CSMD1: variants seen among roughly 807,000 people sequenced by gnomAD.
CSMD1 encodes the protein CUB and sushi domain-containing protein 1.
In CSMD1, 213 loss-of-function variants were observed where a neutral mutation model predicts 417.5. That is an observed-to-expected ratio of 0.51 (90% CI 0.46 to 0.57). The LOEUF is 0.57. Among genes scored for constraint, CSMD1 ranks in the 20% least tolerant of loss-of-function variants. The pLI, the probability that CSMD1 is intolerant of heterozygous loss-of-function variation, is 0.00. For missense variants in CSMD1, 6,923 were observed against 4,529.7 expected, an observed-to-expected ratio of 1.53 and a Z score of -15.17; for synonymous variants, 2,862 against 1,736.8, an observed-to-expected ratio of 1.65 and a Z score of -16.11.
chr8:4,687,721 C>T (rs962242857), intron 1 of CSMD1, among the ~76,000 whole-genome samples: 5 of 152,176 alleles, frequency 3.3e-5, no homozygotes, highest in Admixed American at 1.3e-4. Context: ...GTCACCTCCC[C>T]TTTCCACACT....
At chr8:4,486,883 A>G (rs1801443282) in intron 2 of CSMD1, among the ~76,000 whole-genome samples, 2 of 152,144 alleles carry the variant, frequency 1.3e-5, no homozygotes, top group African/African-American at 2.4e-5. Flanking sequence ...CACCTAAGAT[A>G]AAAAGCAAGA....
At chr8:3,896,467 C>T (rs1385328378) in intron 5 of CSMD1, among the ~76,000 whole-genome samples, 1 of 151,986 alleles carries the variant, frequency 6.6e-6, no homozygotes, top group Non-Finnish European at 1.5e-5. Context: ...AAAGTAAATT[C>T]AATAAAAGGC....
At chr8:4,914,161 A>G (rs1805893992) in intron 1 of CSMD1, among the ~76,000 whole-genome samples, 1 of 152,224 alleles carries the variant, frequency 6.6e-6, no homozygotes, top group African/African-American at 2.4e-5. Context: ...ATATAAAGTT[A>G]AAGAAACAAA....
intron 3 of CSMD1, among the ~76,000 whole-genome samples, chr8:4,168,146 T>C (rs907062116): frequency 6.7e-6 from 1 of 149,506 alleles, no homozygotes; most frequent in South Asian, 2.1e-4. Flanking sequence ...AAAAAAAATA[T>C]ACACACACAC....
intron 2 of CSMD1, among the ~76,000 whole-genome samples, chr8:4,476,226 T>TA (rs1365467051): frequency 6.6e-6 from 1 of 152,076 alleles, no homozygotes; most frequent in African/African-American, 2.4e-5. Flanking sequence ...AAAACTTTTT[T>TA]AAAAAAAGAT....
At chr8:3,842,272 C>A (rs34988553) in intron 5 of CSMD1, among the ~76,000 whole-genome samples, 1 of 151,946 alleles carries the variant, frequency 6.6e-6, no homozygotes, top group Non-Finnish European at 1.5e-5. Context: ...AATTCCCAAT[C>A]TTCTTATGAG....
intron 6 of CSMD1, among the ~76,000 whole-genome samples, chr8:3,727,473 G>T (rs896639654): frequency 3.3e-5 from 5 of 152,194 alleles, no homozygotes; most frequent in African/African-American, 7.2e-5. Flanking sequence ...CATTAAAAAT[G>T]AATAAAGAGT....
In CSMD1 at chr8:2,942,612, A is replaced by G; in HGVS notation, c.10403-8T>C. ...GATCTGGGTTTAAAGGATCTGTAAG[A>G]TAAAGGAAATATTAAATTTGTTGTT... On this transcript the variant is annotated splice_polypyrimidine_tract_variant and splice_region_variant and intron_variant, in intron 68 of 69. Transcript: ENST00000635120. 2 of 1,550,034 alleles carry G rather than the reference A, an allele frequency of 1.3e-6. No homozygotes were observed. The highest frequency in any genetic ancestry group is 1.7e-6 in the Non-Finnish European group (2 of 1,145,948).
At chr8:3,285,833 A>C (rs975749463) in intron 25 of CSMD1, among the ~76,000 whole-genome samples, 1 of 151,230 alleles carries the variant, frequency 6.6e-6, no homozygotes, top group African/African-American at 2.4e-5. Flanking sequence ...ATATATATAT[A>C]TATTTTATTA....
At chr8:3,016,238 T>C (rs969963893) in intron 52 of CSMD1, among the ~76,000 whole-genome samples, 2 of 152,212 alleles carry the variant, frequency 1.3e-5, no homozygotes, top group Non-Finnish European at 2.9e-5. Flanking sequence ...GAGGTATCCA[T>C]TTGCTACTCT....
chr8:4,066,185 C>T (rs1333524020), intron 3 of CSMD1, among the ~76,000 whole-genome samples: 1 of 152,216 alleles, frequency 6.6e-6, no homozygotes, highest in Non-Finnish European at 1.5e-5. Flanking sequence ...ACATTCACCT[C>T]TCCTTAGGGA....
chr8:3,440,165 A>C (rs1252069232), intron 12 of CSMD1, among the ~76,000 whole-genome samples: 1 of 152,174 alleles, frequency 6.6e-6, no homozygotes, highest in African/African-American at 2.4e-5. Context: ...ACATTTTAGA[A>C]TAATCTTGTT....
chr8:3,149,708 C>A (rs1005801575), intron 40 of CSMD1, among the ~76,000 whole-genome samples: 116 of 152,168 alleles, frequency 7.6e-4, no homozygotes, highest in African/African-American at 2.6e-3. Flanking sequence ...GATCTCCTGA[C>A]CTTGCGATCC....
At chr8:3,508,412 C>G (rs568862319) in intron 10 of CSMD1, among the ~76,000 whole-genome samples, 4 of 151,408 alleles carry the variant, frequency 2.6e-5, no homozygotes, top group Non-Finnish European at 5.9e-5. Context: ...ATGTAAGTGA[C>G]GAGTTAATGG....
rs181279590 is a variant in CSMD1, at chr8:4,170,132, T to G, written c.416-138033A>C. Among the ~76,000 whole-genome samples, 354 of 151,964 alleles carry G rather than the reference T, an allele frequency of 2.3e-3. 7 individuals carry two copies. Among genetic ancestry groups the G allele is most frequent in the African/African-American group, 8.3e-3 (341 of 41,232 alleles). ...CCTGTTTTCTCCCTCCAGGGGCTTC[T>G]CTTGTAAAAGTTACCCAAACCTCCT... On this transcript the variant is annotated intron_variant, in intron 3 of 69. Coordinates refer to ENST00000635120, the MANE Select transcript of CSMD1 (RefSeq NM_033225.6).
chr8:3,954,557 C>G (rs1281716855), intron 5 of CSMD1, among the ~76,000 whole-genome samples: 1 of 152,126 alleles, frequency 6.6e-6, no homozygotes, highest in Non-Finnish European at 1.5e-5. Flanking sequence ...TTAGTAGAGA[C>G]GGGGTTTCAC....
chr8:4,416,961 T>C (rs1422630713), intron 3 of CSMD1, among the ~76,000 whole-genome samples: 3 of 152,206 alleles, frequency 2.0e-5, no homozygotes, highest in South Asian at 2.1e-4. Flanking sequence ...TAGTTTCTGT[T>C]ATTAATTTGT....
chr8:4,647,965 G>C (rs1229251085), intron 1 of CSMD1, among the ~76,000 whole-genome samples: 1 of 152,136 alleles, frequency 6.6e-6, no homozygotes, highest in Non-Finnish European at 1.5e-5. Context: ...GGTATTTCTG[G>C]TTCTAGATCC....
intron 68 of CSMD1, among the ~76,000 whole-genome samples, chr8:2,944,108 T>G (rs1013592712): frequency 6.6e-6 from 1 of 152,232 alleles, no homozygotes; most frequent in Admixed American, 6.5e-5. Context: ...TTTTTACAAC[T>G]ACTTATCTTT....
Sources: gnomAD v4.1 joint callset for allele counts (sites outside exome capture counted in the v4.1 genomes callset) on GRCh38, gnomAD v4.1.1 for gene constraint, MANE v1.5 for transcripts, NCBI Gene and HGNC (gene_info 2026-07-23, HGNC 2026-07-21) for gene names.